LPP: variants seen among roughly 807,000 people sequenced by gnomAD.
The protein encoded by LPP is LIM domain containing preferred translocation partner in lipoma.
A neutral mutation model predicts 60.4 loss-of-function variants in LPP; 38 were observed. That is an observed-to-expected ratio of 0.63 (90% CI 0.49 to 0.83). The LOEUF is 0.83. Ranked by LOEUF, LPP falls within the 40% of genes least tolerant of loss-of-function variation. The pLI, the probability that LPP is intolerant of heterozygous loss-of-function variation, is 0.00. For synonymous variants in LPP, 328 were observed against 290.8 expected, an observed-to-expected ratio of 1.13 and a Z score of -1.30; for missense variants, 902 against 783.6, an observed-to-expected ratio of 1.15 and a Z score of -1.80.
intron 1 of LPP, among the ~76,000 whole-genome samples, chr3:188,177,967 A>G (rs1237165246): frequency 6.6e-6 from 1 of 152,216 alleles, no homozygotes; most frequent in Non-Finnish European, 1.5e-5. Context: ...CCAATTCCAT[A>G]CATGCTCTTT....
At chr3:188,589,352 G>C (rs1270065611) in intron 6 of LPP, among the ~76,000 whole-genome samples, 1 of 152,072 alleles carries the variant, frequency 6.6e-6, no homozygotes, top group African/African-American at 2.4e-5. Flanking sequence ...TTTTGCAAAA[G>C]AATGACAAAT....
At chr3:188,691,461 C>A (rs1169918324) in intron 7 of LPP, among the ~76,000 whole-genome samples, 1 of 152,036 alleles carries the variant, frequency 6.6e-6, no homozygotes, top group Non-Finnish European at 1.5e-5. Flanking sequence ...AAGGCCTGGC[C>A]CAAAGGTTAG....
At chr3:188,243,203 C>A (rs1489873551) in intron 2 of LPP, among the ~76,000 whole-genome samples, 1 of 152,164 alleles carries the variant, frequency 6.6e-6, no homozygotes. Context: ...TACAACAACT[C>A]TAGAAACTTG....
At chr3:188,714,568 C>T (rs1480216700) in intron 8 of LPP, among the ~76,000 whole-genome samples, 1 of 151,474 alleles carries the variant, frequency 6.6e-6, no homozygotes, top group Non-Finnish European at 1.5e-5. Context: ...AACAGGGACC[C>T]TTAACTGTCT....
At chr3:188,375,381 C>G (rs1352269788) in intron 3 of LPP, among the ~76,000 whole-genome samples, 1 of 152,194 alleles carries the variant, frequency 6.6e-6, no homozygotes, top group Non-Finnish European at 1.5e-5. Context: ...GCCTCAATTT[C>G]AGAGCCTGTT....
chr3:188,475,087 C>CT (rs1427067876), intron 4 of LPP, among the ~76,000 whole-genome samples: 39 of 152,164 alleles, frequency 2.6e-4, no homozygotes, highest in Admixed American at 2.6e-3. Context: ...TTATAGTATG[C>CT]TTGTATCTCA....
intron 9 of LPP, among the ~76,000 whole-genome samples, chr3:188,834,300 G>A (rs1181925176): frequency 1.5e-5 from 2 of 137,772 alleles, no homozygotes; most frequent in Non-Finnish European, 3.1e-5. Flanking sequence ...TACCATTTTA[G>A]GATTTTTTTG....
At chr3:188,274,324 T>A (rs941539258) in intron 2 of LPP, among the ~76,000 whole-genome samples, 1 of 152,238 alleles carries the variant, frequency 6.6e-6, no homozygotes, top group Non-Finnish European at 1.5e-5. Context: ...TATTTATGCT[T>A]TCTTAACCAC....
intron 7 of LPP, among the ~76,000 whole-genome samples, chr3:188,626,553 T>G (rs1846884417): frequency 6.6e-6 from 1 of 152,120 alleles, no homozygotes; most frequent in Admixed American, 6.6e-5. Context: ...ATCAAGGTAC[T>G]CACAAGGTTG....
At chr3:188,509,873 G>GT (rs35389820) in intron 5 of LPP, among the ~76,000 whole-genome samples, 69,581 of 110,574 alleles carry the variant, frequency 0.63, 23,263 homozygotes, top group Non-Finnish European at 0.69. Context: ...TTTTTTTGTT[G>GT]TTTTTTTTTT....
intron 4 of LPP, among the ~76,000 whole-genome samples, chr3:188,436,308 C>G (rs1680736911): frequency 6.6e-6 from 1 of 152,118 alleles, no homozygotes; most frequent in South Asian, 2.1e-4. Context: ...TTGACGTTAT[C>G]AGTTTTAGTA....
Position 188,706,586 on chromosome 3 carries a change from C to T in LPP, c.1114-1681C>T, listed in dbSNP as rs543461226. ...TTGACTATGTTTAGAAGACATTTAACGCTTTAGACATCACACAAATGATTA... is the reference window on the plus strand; with the variant it reads ...TTGACTATGTTTAGAAGACATTTAATGCTTTAGACATCACACAAATGATTA... On this transcript the variant is annotated intron_variant, in intron 7 of 11. Transcript: ENST00000617246. Among the ~76,000 whole-genome samples, 13 of 152,294 alleles carry T rather than the reference C, an allele frequency of 8.5e-5. No homozygotes were observed. The East Asian group carries it at 1.4e-3, about 16-fold the overall frequency.
chr3:188,595,907 AAGAC>A (rs1242106050), intron 6 of LPP, among the ~76,000 whole-genome samples: 3 of 152,184 alleles, frequency 2.0e-5, no homozygotes, highest in Admixed American at 2.0e-4. Flanking sequence ...TTGAGTGACA[AAGAC>A]AGGCGTGAGA....
chr3:188,839,183 G>A (rs996547307), intron 9 of LPP, among the ~76,000 whole-genome samples: 1 of 152,188 alleles, frequency 6.6e-6, no homozygotes, highest in Non-Finnish European at 1.5e-5. Flanking sequence ...TACAAGTAGG[G>A]AAAGGCATTT....
intron 2 of LPP, among the ~76,000 whole-genome samples, chr3:188,231,537 G>A (rs1261047760): frequency 2.6e-5 from 4 of 152,060 alleles, no homozygotes; most frequent in Non-Finnish European, 5.9e-5. Context: ...CCTCCTCAGC[G>A]GTAGAGCTTT....
At chr3:188,400,132 T>A (rs1332807466) in intron 3 of LPP, among the ~76,000 whole-genome samples, 1 of 152,114 alleles carries the variant, frequency 6.6e-6, no homozygotes, top group Non-Finnish European at 1.5e-5. Context: ...GATTTGAGGG[T>A]ACAGAATAGA....
Position 188,871,590 on chromosome 3 carries a change from C to T in LPP, c.1590-1053C>T, listed in dbSNP as rs1192753094. On this transcript the variant is annotated intron_variant, in intron 10 of 11. Transcript: ENST00000617246. The stretch of plus-strand genomic sequence containing the variant: ...TTATTATCATTATTTCTTTTTAAGT[C>T]TCACTACAAATAGATAAATTTTTAA... Among the ~76,000 whole-genome samples, 2 of 152,150 alleles carry T rather than the reference C, an allele frequency of 1.3e-5. 1 individual carries two copies. The highest frequency in any genetic ancestry group is 1.3e-4 in the Admixed American group (2 of 15,274).
At chr3:188,409,836 G>C (rs1784483972) in intron 4 of LPP, among the ~76,000 whole-genome samples, 1 of 152,166 alleles carries the variant, frequency 6.6e-6, no homozygotes, top group Admixed American at 6.5e-5. Flanking sequence ...ATCTTGTTCT[G>C]ACGTAAATGT....
At chr3:188,715,376 CAAAAAAAAAAAAAA>C (rs35761284) in intron 8 of LPP, among the ~76,000 whole-genome samples, 7 of 63,664 alleles carry the variant, frequency 1.1e-4, no homozygotes, top group East Asian at 1.2e-3. Flanking sequence ...GACTCCGTCT[CAAAAAAAAAAAAAA>C]AAAAAAAAAA....
Sources: gnomAD v4.1 joint callset for allele counts (sites outside exome capture counted in the v4.1 genomes callset) on GRCh38, gnomAD v4.1.1 for gene constraint, MANE v1.5 for transcripts, NCBI Gene and HGNC (gene_info 2026-07-23, HGNC 2026-07-21) for gene names.